PTPRD: variants seen among roughly 807,000 people sequenced by gnomAD.
The protein encoded by PTPRD is protein tyrosine phosphatase receptor type D.
PTPRD carries 34 observed loss-of-function variants against 214.5 expected under a neutral mutation model. That is an observed-to-expected ratio of 0.16 (90% CI 0.12 to 0.21). The LOEUF (loss-of-function observed/expected upper bound fraction) is 0.21. PTPRD is among the 10% of genes least tolerant of loss of function. The pLI is 1.00. For missense variants in PTPRD, 2,545 were observed against 2,398.7 expected (o/e 1.06, Z -1.27); for synonymous variants, 1,128 against 845.7 (o/e 1.33, Z -5.79).
At chr9:8,636,616 A>G in intron 13 of PTPRD, 83 bp downstream of exon 13, 2 of 1,509,158 alleles carry the variant, frequency 1.3e-6, no homozygotes, top group East Asian at 2.3e-5. Flanking sequence ...CTTTTATCAG[A>G]GTAAAGCAAG....
intron 14 of PTPRD, among the ~76,000 whole-genome samples, chr9:8,530,298 C>T (rs2075350714): frequency 6.6e-6 from 1 of 152,036 alleles, no homozygotes; most frequent in Admixed American, 6.6e-5. Context: ...TTTTCTCAGC[C>T]TCTTAGGGAT....
intron 8 of PTPRD, among the ~76,000 whole-genome samples, chr9:9,484,251 A>C (rs2147251090): frequency 6.6e-6 from 1 of 152,222 alleles, no homozygotes; most frequent in South Asian, 2.1e-4. Flanking sequence ...CATGTAAGTC[A>C]GTCTGATGAA....
At chr9:10,341,050 T>A (rs554888853) in intron 2 of PTPRD, 33 bp from the exon 3 acceptor site, 26 of 152,100 alleles carry the variant, frequency 1.7e-4, no homozygotes, top group Middle Eastern at 3.4e-3. Context: ...CTAGATCCAT[T>A]ATTTTACATT....
At chr9:8,798,384 T>C (rs368536851) in intron 11 of PTPRD, among the ~76,000 whole-genome samples, 1 of 152,212 alleles carries the variant, frequency 6.6e-6, no homozygotes, top group East Asian at 1.9e-4. Context: ...ATGCAGATAA[T>C]ACTGCTTTCA....
intron 8 of PTPRD, among the ~76,000 whole-genome samples, chr9:9,417,312 T>A (rs2077282802): frequency 6.6e-6 from 1 of 152,180 alleles, no homozygotes; most frequent in African/African-American, 2.4e-5. Context: ...TGATATAGAT[T>A]CATTCCACAA....
intron 12 of PTPRD, among the ~76,000 whole-genome samples, chr9:8,697,882 G>A (rs2097959778): frequency 6.6e-6 from 1 of 152,016 alleles, no homozygotes; most frequent in Admixed American, 6.6e-5. Flanking sequence ...TGGTAAATAT[G>A]GGTTGTCATT....
At position 8,924,321 on chromosome 9, in the gene PTPRD, C is replaced by T. The variant is rs189467670; in HGVS notation, c.-104+94376G>A. Among the ~76,000 whole-genome samples, 8 of 152,214 alleles carry T rather than the reference C, an allele frequency of 5.3e-5. No homozygotes were observed. The East Asian group carries it at 1.5e-3, about 29-fold the overall frequency. On this transcript the variant is annotated intron_variant, in intron 11 of 45. Transcript: ENST00000381196. ...TTCAATCAGGTATTTATTGAATTCT[C>T]AATAGTTCCTCAGCTCTCTTCTTGG...
At chr9:10,011,704 T>C (rs73406462) in intron 4 of PTPRD, among the ~76,000 whole-genome samples, 3,698 of 152,146 alleles carry the variant, frequency 0.024, 168 homozygotes, top group African/African-American at 0.084. Context: ...TTTGTGGATT[T>C]GAAATAGTAA....
intron 14 of PTPRD, among the ~76,000 whole-genome samples, chr9:8,590,632 GT>G (rs1433399695): frequency 7.9e-5 from 12 of 152,228 alleles, no homozygotes; most frequent in African/African-American, 2.6e-4. Context: ...CAGAATGGAT[GT>G]TTTCAAACAA....
intron 8 of PTPRD, among the ~76,000 whole-genome samples, chr9:9,524,857 G>C (rs1461152499): frequency 6.6e-6 from 1 of 152,038 alleles, no homozygotes; most frequent in African/African-American, 2.4e-5. Context: ...TTGCTTGTTT[G>C]TTTGTTTGTT....
intron 2 of PTPRD, among the ~76,000 whole-genome samples, chr9:10,499,370 C>T (rs184461866): frequency 9.2e-5 from 14 of 151,968 alleles, no homozygotes; most frequent in Admixed American, 9.2e-4. Flanking sequence ...ATTATTATTA[C>T]TAGGGATAAA....
intron 8 of PTPRD, among the ~76,000 whole-genome samples, chr9:9,404,103 T>G (rs374898799): frequency 2.6e-5 from 4 of 151,516 alleles, no homozygotes; most frequent in African/African-American, 7.3e-5. Flanking sequence ...CAGAACAGAG[T>G]GGTAAAAAAT....
chr9:9,408,098 T>C (rs530180245), intron 8 of PTPRD, among the ~76,000 whole-genome samples: 1 of 151,794 alleles, frequency 6.6e-6, no homozygotes, highest in Non-Finnish European at 1.5e-5. Context: ...GAAAGTAACA[T>C]TGGCAGTAGA....
chr9:8,433,946 T>C (rs1479092202), intron 35 of PTPRD, among the ~76,000 whole-genome samples: 3 of 152,140 alleles, frequency 2.0e-5, no homozygotes, highest in Non-Finnish European at 4.4e-5. Flanking sequence ...CAAGCTCCAT[T>C]CATGCTAAGT....
chr9:10,229,708 G>C (rs1440375830), intron 3 of PTPRD, among the ~76,000 whole-genome samples: 1 of 150,950 alleles, frequency 6.6e-6, no homozygotes, highest in East Asian at 2.0e-4. Flanking sequence ...GTTGTGGGGT[G>C]GGGGGAGGTG....
intron 10 of PTPRD, among the ~76,000 whole-genome samples, chr9:9,128,820 C>T (rs1317676291): frequency 3.9e-5 from 6 of 152,068 alleles, no homozygotes; most frequent in Non-Finnish European, 7.4e-5. Flanking sequence ...GAGAAGTTAG[C>T]GTAGTATACA....
chr9:8,848,770 T>TATCAACCACTATGCTATA (rs1555426972), intron 11 of PTPRD, among the ~76,000 whole-genome samples: 1 of 150,060 alleles, frequency 6.7e-6, no homozygotes. Flanking sequence ...CTTAAAATCT[T>TATCAACCACTATGCTATA]GACCCTATGT....
chr9:9,592,757 T>G (rs186514012), intron 7 of PTPRD, among the ~76,000 whole-genome samples: 1 of 152,050 alleles, frequency 6.6e-6, no homozygotes, highest in East Asian at 1.9e-4. Context: ...AACAGGATTA[T>G]ATGGCTGTAG....
intron 11 of PTPRD, among the ~76,000 whole-genome samples, chr9:8,990,718 G>C (rs1026404924): frequency 6.6e-6 from 1 of 152,118 alleles, no homozygotes; most frequent in Non-Finnish European, 1.5e-5. Flanking sequence ...TACCTTGTTT[G>C]ATAGTAGTCA....
Sources: gnomAD v4.1 joint callset for allele counts (sites outside exome capture counted in the v4.1 genomes callset) on GRCh38, gnomAD v4.1.1 for gene constraint, MANE v1.5 for transcripts, NCBI Gene and HGNC (gene_info 2026-07-23, HGNC 2026-07-21) for gene names.